Variants in SPAG16 observed in about 807,000 individuals in gnomAD.
The protein encoded by SPAG16 is sperm-associated antigen 16 protein.
SPAG16 carries 86 observed loss-of-function variants against 80.4 expected under a neutral mutation model. The ratio of observed to expected loss-of-function variants is 1.07; its 90% confidence interval spans 0.90 to 1.28. SPAG16 has a LOEUF of 1.28. Ranked by LOEUF, SPAG16 falls within the 50% of genes most tolerant of loss-of-function variation. The pLI is 0.00. For synonymous variants in SPAG16, 294 were observed against 265.9 expected, an observed-to-expected ratio of 1.11 and a Z score of -1.03; for missense variants, 870 against 765.3, an observed-to-expected ratio of 1.14 and a Z score of -1.61.
chr2:214,410,299 T>G lies in SPAG16; in HGVS notation c.1880T>G (p.Val627Gly), dbSNP rs747552475. ...ILFSGGSDGTVRTWS is the reference protein window; with the variant it reads ...ILFSGGSDGTGRTWS ...TTTTCTGGAGGCTCTGACGGCACAG[T>G]TCGAACGTGGTCTTGACCGTCAGCA... is the stretch of plus-strand genomic sequence containing the variant. Residue 627 changes from valine to glycine, a missense_variant, in exon 16 of 16, where the codon GTT (valine) becomes GGT (glycine). Coordinates refer to ENST00000331683, the MANE Select transcript of SPAG16 (RefSeq NM_024532.5). 5 of 1,599,784 alleles carry G rather than the reference T, an allele frequency of 3.1e-6. No individual in the cohort carries two copies. In the African/African-American group the frequency reaches 6.7e-5, roughly 21 times the overall value.
chr2:213,587,599 A>G lies in SPAG16; in HGVS notation c.1070+97509A>G, dbSNP rs548423780. Among the ~76,000 whole-genome samples the G allele has an allele frequency of 2.0e-5, 3 of 152,228 alleles. No homozygotes were observed. The East Asian group carries it at 5.8e-4, about 29-fold the overall frequency. On this transcript the variant is annotated intron_variant, in intron 10 of 15. Transcript: ENST00000331683. ...CCTGACTATTCATACCAATTTCTTTATCAAATAGTCACTTGGCCACACCTT... is the reference window on the plus strand; with the variant it reads ...CCTGACTATTCATACCAATTTCTTTGTCAAATAGTCACTTGGCCACACCTT...
chr2:213,294,428 T>C (rs1433078455), intron 1 of SPAG16, among the ~76,000 whole-genome samples: 1 of 152,160 alleles, frequency 6.6e-6, no homozygotes, highest in African/African-American at 2.4e-5. Flanking sequence ...TCTACAGTAA[T>C]AGATAATTAA....
intron 4 of SPAG16, among the ~76,000 whole-genome samples, chr2:213,315,669 T>C (rs2063371314): frequency 6.8e-6 from 1 of 146,172 alleles, no homozygotes; most frequent in Non-Finnish European, 1.5e-5. Context: ...CAGTTTGGCT[T>C]TTATCTGCAT....
At chr2:213,402,766 T>A (rs1345362252) in intron 9 of SPAG16, among the ~76,000 whole-genome samples, 1 of 152,254 alleles carries the variant, frequency 6.6e-6, no homozygotes. Context: ...TCATCATTTT[T>A]TATGGCTGCA....
intron 11 of SPAG16, among the ~76,000 whole-genome samples, chr2:213,881,391 G>A (rs2114639): frequency 0.34 from 51,963 of 151,900 alleles, 9,342 homozygotes; most frequent in South Asian, 0.47. Flanking sequence ...TTTCCTATAT[G>A]TAGGATCATA....
At position 214,167,554 on chromosome 2, in the gene SPAG16, T is replaced by C. The variant is rs112575139; in HGVS notation, c.1720+18288T>C. Among the ~76,000 whole-genome samples, 472 of 152,250 alleles carry C rather than the reference T, an allele frequency of 3.1e-3. 5 individuals carry two copies. Among genetic ancestry groups the C allele is most frequent in the African/African-American group, 0.01 (422 of 41,546 alleles). On this transcript the variant is annotated intron_variant, in intron 15 of 15. Coordinates refer to ENST00000331683, the MANE Select transcript of SPAG16 (RefSeq NM_024532.5). Reference sequence around the variant, plus strand: ...TGGAGAAGGAAAGGAAAGGATACTTTACTGATGTTCTCAAAACACAGTAAC... The same window carrying C: ...TGGAGAAGGAAAGGAAAGGATACTTCACTGATGTTCTCAAAACACAGTAAC...
intron 15 of SPAG16, among the ~76,000 whole-genome samples, chr2:214,199,116 A>G (rs2057937546): frequency 6.6e-6 from 1 of 152,004 alleles, no homozygotes; most frequent in South Asian, 2.1e-4. Context: ...ATTAGGTTCC[A>G]TTTATTTATT....
At chr2:214,035,289 C>T (rs1050724552) in intron 13 of SPAG16, among the ~76,000 whole-genome samples, 5 of 152,156 alleles carry the variant, frequency 3.3e-5, no homozygotes, top group South Asian at 2.1e-4. Context: ...CCCAGCAGCC[C>T]GGCCCCCAGG....
chr2:214,017,874 T>C (rs190819825), intron 13 of SPAG16, among the ~76,000 whole-genome samples: 2 of 152,320 alleles, frequency 1.3e-5, no homozygotes, highest in East Asian at 3.9e-4. Context: ...GTTACTATTA[T>C]GCATGCTAGC....
chr2:214,053,386 G>GT (rs1201283970), intron 13 of SPAG16, among the ~76,000 whole-genome samples: 1 of 152,112 alleles, frequency 6.6e-6, no homozygotes, highest in African/African-American at 2.4e-5. Context: ...AAGCAAAGAC[G>GT]TTTTTTAGAT....
chr2:214,328,795 A>T (rs75305889), intron 15 of SPAG16, among the ~76,000 whole-genome samples: 11,607 of 152,244 alleles, frequency 0.076, 507 homozygotes, highest in East Asian at 0.12. Flanking sequence ...TAACTTCTTC[A>T]TGAAAGCTTC....
rs1285177906 is a variant in SPAG16, at chr2:213,980,308, C to A, written c.1401-33643C>A. 3.5e-3 allele frequency among the ~76,000 whole-genome samples: 69 copies of A among 19,848 alleles called. 17 individuals carry two copies. In the African/African-American group the frequency reaches 0.04, roughly 12 times the overall value. The allele number at this position is 19,848 out of a possible 152,430, so 13.0% of individuals were successfully genotyped here. On this transcript the variant is annotated intron_variant, in intron 12 of 15. Coordinates refer to ENST00000331683, the MANE Select transcript of SPAG16 (RefSeq NM_024532.5). ...GAATATATGTGTGTATATATATTCT[C>A]TATATATATAGAATATATGTGTGTA...
chr2:213,744,986 G>T (rs897785747), intron 10 of SPAG16, among the ~76,000 whole-genome samples: 23 of 152,060 alleles, frequency 1.5e-4, no homozygotes, highest in African/African-American at 5.1e-4. Context: ...TGGATTTTGG[G>T]TATTGTATGA....
At chr2:214,118,833 C>G (rs2054076199) in intron 14 of SPAG16, among the ~76,000 whole-genome samples, 1 of 145,282 alleles carries the variant, frequency 6.9e-6, no homozygotes, top group African/African-American at 2.5e-5. Flanking sequence ...TAATGACATT[C>G]TCTATAAAAA....
At chr2:214,148,188 G>A (rs1245244107) in intron 14 of SPAG16, among the ~76,000 whole-genome samples, 1 of 152,160 alleles carries the variant, frequency 6.6e-6, no homozygotes, top group Non-Finnish European at 1.5e-5. Flanking sequence ...CCAGAATGAT[G>A]AGAATGAGTG....
chr2:213,873,671 CA>C (rs1276162626), intron 11 of SPAG16, among the ~76,000 whole-genome samples: 1 of 151,886 alleles, frequency 6.6e-6, no homozygotes, highest in Non-Finnish European at 1.5e-5. Context: ...TATAAGTTTT[CA>C]TATGTTGTGT....
chr2:213,867,150 A>T (rs1395258324), intron 11 of SPAG16, among the ~76,000 whole-genome samples: 3 of 152,202 alleles, frequency 2.0e-5, no homozygotes, highest in Non-Finnish European at 4.4e-5. Context: ...CTTTCGTCAC[A>T]GTGTAACTCA....
chr2:213,299,957 T>C (rs2062667416), intron 3 of SPAG16, among the ~76,000 whole-genome samples: 1 of 152,142 alleles, frequency 6.6e-6, no homozygotes, highest in Non-Finnish European at 1.5e-5. Context: ...AAAAGAAAGG[T>C]CTACTTACAT....
chr2:214,155,263 C>T (rs1234583665), intron 15 of SPAG16, among the ~76,000 whole-genome samples: 1 of 152,170 alleles, frequency 6.6e-6, no homozygotes, highest in East Asian at 1.9e-4. Flanking sequence ...CCCAGGAGCT[C>T]ACACAGGCCT....
Sources: allele counts gnomAD v4.1 joint callset (sites outside exome capture counted in the v4.1 genomes callset), GRCh38; gene constraint gnomAD v4.1.1; transcripts MANE v1.5; gene names NCBI Gene and HGNC (gene_info 2026-07-23, HGNC 2026-07-21).